LSAMP: variants seen among roughly 807,000 people sequenced by gnomAD.
The protein encoded by LSAMP is limbic system associated membrane protein.
LSAMP carries 7 observed loss-of-function variants against 38.6 expected under a neutral mutation model. That is an observed-to-expected ratio of 0.18 (90% CI 0.10 to 0.34). LSAMP has a LOEUF of 0.34. Among genes scored for constraint, LSAMP ranks in the 10% least tolerant of loss-of-function variants. The probability of loss-of-function intolerance (pLI) is 1.00; values close to 1 mark genes in which losing one functional copy is unlikely to be tolerated. For missense variants in LSAMP, 313 were observed against 420.0 expected (o/e 0.75, Z 2.23); for synonymous variants, 154 against 166.8 (o/e 0.92, Z 0.59).
At chr3:116,157,414 C>T (rs1173346880) in intron 1 of LSAMP, among the ~76,000 whole-genome samples, 1 of 152,074 alleles carries the variant, frequency 6.6e-6, no homozygotes, top group African/African-American at 2.4e-5. Context: ...GTTATGTTCC[C>T]TAATGCTGCA....
intron 1 of LSAMP, among the ~76,000 whole-genome samples, chr3:116,167,565 C>T (rs1156897909): frequency 1.3e-5 from 2 of 152,144 alleles, no homozygotes; most frequent in African/African-American, 4.8e-5. Flanking sequence ...TTTATCCATC[C>T]ATCTGTTCAT....
rs140866289 is a variant in LSAMP at position 115,924,505 on chromosome 3, T to C, written c.515-71888A>G. Among the ~76,000 whole-genome samples the C allele has an allele frequency of 4.7e-4, 71 of 152,332 alleles. No individual in the cohort carries two copies. The East Asian group carries it at 0.013, about 27-fold the overall frequency. The stretch of plus-strand genomic sequence containing the variant: ...AAATATTGTCCAAATGTTGCCTTCA[T>C]ATTTACCAGAGGGATAGAGAAACTT... On this transcript the variant is annotated intron_variant, in intron 3 of 6. Coordinates refer to ENST00000490035, the MANE Select transcript of LSAMP (RefSeq NM_002338.5).
At chr3:116,442,713 G>A (rs1056813737) in intron 1 of LSAMP, among the ~76,000 whole-genome samples, 4 of 152,292 alleles carry the variant, frequency 2.6e-5, no homozygotes, top group South Asian at 2.1e-4. Context: ...TTTCATAGGC[G>A]ACTTATTTGC....
chr3:116,175,630 C>T (rs1221597923), intron 1 of LSAMP, among the ~76,000 whole-genome samples: 2 of 151,722 alleles, frequency 1.3e-5, no homozygotes, highest in Admixed American at 6.6e-5. Flanking sequence ...AGGAAAGTGA[C>T]GAGGAAGCAG....
chr3:116,293,384 T>C (rs2047293103), intron 1 of LSAMP, among the ~76,000 whole-genome samples: 2 of 152,218 alleles, frequency 1.3e-5, no homozygotes, highest in African/African-American at 4.8e-5. Context: ...AATAATGTTT[T>C]ATTTTCTATT....
chr3:116,285,182 C>T (rs747423521), intron 1 of LSAMP, among the ~76,000 whole-genome samples: 61 of 152,280 alleles, frequency 4.0e-4, no homozygotes, highest in Non-Finnish European at 8.1e-4. Flanking sequence ...ACTTCCCCAT[C>T]CCCATTTGCA....
At chr3:116,317,378 C>T (rs546379079) in intron 1 of LSAMP, among the ~76,000 whole-genome samples, 2 of 144,146 alleles carry the variant, frequency 1.4e-5, no homozygotes, top group African/African-American at 2.6e-5. Flanking sequence ...TTTTTTGAGA[C>T]GGAGTCTCGC....
At chr3:116,432,892 G>T (rs1224980032) in intron 1 of LSAMP, among the ~76,000 whole-genome samples, 1 of 152,110 alleles carries the variant, frequency 6.6e-6, no homozygotes, top group Non-Finnish European at 1.5e-5. Context: ...ACAGAGGTCA[G>T]AAAGAGAGAC....
At chr3:115,965,337 A>G (rs993056003) in intron 3 of LSAMP, among the ~76,000 whole-genome samples, 1 of 152,006 alleles carries the variant, frequency 6.6e-6, no homozygotes. Context: ...GGGGAAACAA[A>G]TGAAATTGTA....
intron 1 of LSAMP, among the ~76,000 whole-genome samples, chr3:116,288,348 T>C (rs1362168038): frequency 6.6e-6 from 1 of 152,192 alleles, no homozygotes; most frequent in Non-Finnish European, 1.5e-5. Flanking sequence ...TATCGTTAAT[T>C]GTGGGTAACA....
rs1933670270 is a variant in LSAMP at position 115,808,059 on chromosome 3, C to T, written c.*2258G>A. 2 of 149,690 alleles carry T rather than the reference C, an allele frequency of 1.3e-5. No individual in the cohort carries two copies. The highest frequency in any genetic ancestry group is 5.0e-5 in the African/African-American group (2 of 40,190). 9.3% of individuals were successfully genotyped at this position (149,690 alleles called of 1,614,324 possible). On this transcript the variant is annotated 3_prime_UTR_variant, in exon 7 of 7. Transcript: ENST00000490035. ...AATTAACAATGCTACTTAGATCTTT[C>T]TCCCTCCTGCCTTCCTTTCCTTTCT...
intron 1 of LSAMP, among the ~76,000 whole-genome samples, chr3:116,255,688 T>C (rs2046740902): frequency 6.6e-6 from 1 of 152,170 alleles, no homozygotes; most frequent in Non-Finnish European, 1.5e-5. Flanking sequence ...GGCCAGGCAC[T>C]GGGAGACCTA....
chr3:116,290,637 G>A (rs1000265926), intron 1 of LSAMP, among the ~76,000 whole-genome samples: 6 of 151,700 alleles, frequency 4.0e-5, no homozygotes, highest in Admixed American at 1.3e-4. Flanking sequence ...GGCTGAGGCA[G>A]GAGAATCCCT....
chr3:116,268,527 T>C (rs1045770512), intron 1 of LSAMP, among the ~76,000 whole-genome samples: 2 of 152,110 alleles, frequency 1.3e-5, no homozygotes, highest in African/African-American at 4.8e-5. Flanking sequence ...GCTCATGCCA[T>C]TTCTTTAACA....
intron 2 of LSAMP, among the ~76,000 whole-genome samples, chr3:116,073,535 C>T (rs943548079): frequency 6.6e-6 from 1 of 152,134 alleles, no homozygotes; most frequent in African/African-American, 2.4e-5. Flanking sequence ...AATATTGATT[C>T]TATCCACGAA....
At chr3:115,921,272 C>A (rs1186671235) in intron 3 of LSAMP, among the ~76,000 whole-genome samples, 2 of 151,868 alleles carry the variant, frequency 1.3e-5, no homozygotes, top group African/African-American at 4.8e-5. Context: ...TCCTTCATTT[C>A]TTCTTGTTGT....
intron 1 of LSAMP, among the ~76,000 whole-genome samples, chr3:116,260,820 G>A (rs2046816691): frequency 6.6e-6 from 1 of 152,120 alleles, no homozygotes; most frequent in African/African-American, 2.4e-5. Context: ...CTAATCCTAA[G>A]ACCTAAAGTC....
At chr3:116,186,387 C>T (rs542946592) in intron 1 of LSAMP, among the ~76,000 whole-genome samples, 23 of 152,208 alleles carry the variant, frequency 1.5e-4, no homozygotes, top group East Asian at 1.4e-3. Context: ...TTGGCTTGAT[C>T]TCTATCTTGA....
chr3:116,066,853 T>C (rs1031768817), intron 2 of LSAMP, among the ~76,000 whole-genome samples: 1 of 152,242 alleles, frequency 6.6e-6, no homozygotes, highest in South Asian at 2.1e-4. Flanking sequence ...ATCCAACTCC[T>C]ATTTCCTTTA....
Sources: gnomAD v4.1 joint callset for allele counts (sites outside exome capture counted in the v4.1 genomes callset) on GRCh38, gnomAD v4.1.1 for gene constraint, MANE v1.5 for transcripts, NCBI Gene and HGNC (gene_info 2026-07-23, HGNC 2026-07-21) for gene names.